Variants in FHIT observed in about 807,000 individuals in gnomAD.
The protein encoded by FHIT is fragile histidine triad diadenosine triphosphatase.
A neutral mutation model predicts 17.9 loss-of-function variants in FHIT; 19 were observed. That is an observed-to-expected ratio of 1.06 (90% confidence interval 0.74 to 1.56). The LOEUF (loss-of-function observed/expected upper bound fraction) is 1.56, where lower values mean the gene tolerates loss of function less well. FHIT is among the 40% of genes most tolerant of loss of function. The pLI, the probability that FHIT is intolerant of heterozygous loss-of-function variation, is 0.00. For missense variants in FHIT, 248 were observed against 189.2 expected, an observed-to-expected ratio of 1.31 and a Z score of -1.82; for synonymous variants, 81 against 69.7, an observed-to-expected ratio of 1.16 and a Z score of -0.81.
At chr3:60,505,904 T>A (rs1222911964) in intron 5 of FHIT, among the ~76,000 whole-genome samples, 14 of 152,170 alleles carry the variant, frequency 9.2e-5, no homozygotes, top group African/African-American at 3.1e-4. Flanking sequence ...TTTGGTAACA[T>A]TAACCCCACA....
intron 2 of FHIT, among the ~76,000 whole-genome samples, chr3:61,191,731 C>A (rs2038722199): frequency 6.6e-6 from 1 of 152,052 alleles, no homozygotes; most frequent in Non-Finnish European, 1.5e-5. Flanking sequence ...GGCAGCTGGG[C>A]AGACCCAGAG....
intron 5 of FHIT, among the ~76,000 whole-genome samples, chr3:60,397,384 G>C (rs1303585914): frequency 3.3e-5 from 5 of 152,122 alleles, no homozygotes; most frequent in Non-Finnish European, 7.4e-5. Flanking sequence ...GGAAGAAGGA[G>C]TCTTAGGCTC....
chr3:59,931,899 A>G (rs974878714), intron 7 of FHIT, among the ~76,000 whole-genome samples: 3 of 152,156 alleles, frequency 2.0e-5, no homozygotes, highest in African/African-American at 7.2e-5. Context: ...CCAAGCCACA[A>G]TGAGAGTTTA....
At chr3:60,396,555 T>C (rs1024661968) in intron 5 of FHIT, among the ~76,000 whole-genome samples, 1 of 152,164 alleles carries the variant, frequency 6.6e-6, no homozygotes, top group Non-Finnish European at 1.5e-5. Flanking sequence ...AAAGTTAATA[T>C]ATTGTACGAT....
intron 4 of FHIT, among the ~76,000 whole-genome samples, chr3:60,594,608 C>T (rs374874604): frequency 1.1e-4 from 16 of 152,148 alleles, no homozygotes; most frequent in African/African-American, 3.9e-4. Context: ...AATCCTCCTC[C>T]TCCCTTCCCT....
At chr3:61,182,345 A>G (rs1050012388) in intron 2 of FHIT, among the ~76,000 whole-genome samples, 1 of 152,184 alleles carries the variant, frequency 6.6e-6, no homozygotes, top group African/African-American at 2.4e-5. Flanking sequence ...GATTTGTATA[A>G]TATCTATGAG....
At chr3:60,860,588 C>CAT (rs782629403) in intron 3 of FHIT, among the ~76,000 whole-genome samples, 135 of 11,730 alleles carry the variant, frequency 0.012, 15 homozygotes, top group South Asian at 0.021. Flanking sequence ...ACATATGTAT[C>CAT]ATATATCAGG....
At chr3:60,900,292 G>A (rs1216810160) in intron 3 of FHIT, among the ~76,000 whole-genome samples, 2 of 152,042 alleles carry the variant, frequency 1.3e-5, no homozygotes, top group African/African-American at 2.4e-5. Context: ...CAGGTGTGGT[G>A]GCCATGCCTG....
chr3:59,992,144 C>T (rs749671675), intron 7 of FHIT, among the ~76,000 whole-genome samples: 25 of 152,086 alleles, frequency 1.6e-4, no homozygotes, highest in Non-Finnish European at 3.2e-4. Context: ...ACATGAAGCC[C>T]AGAGCCCAAG....
chr3:60,516,650 A>G (rs930689651), intron 5 of FHIT, among the ~76,000 whole-genome samples: 5 of 152,234 alleles, frequency 3.3e-5, no homozygotes, highest in African/African-American at 1.2e-4. Context: ...CCCACCTGAT[A>G]GGTTTGCTCA....
At chr3:60,421,380 A>T (rs1249846255) in intron 5 of FHIT, among the ~76,000 whole-genome samples, 1 of 152,086 alleles carries the variant, frequency 6.6e-6, no homozygotes, top group East Asian at 1.9e-4. Flanking sequence ...ATTTAGTTCA[A>T]TCGATAAACA....
intron 8 of FHIT, among the ~76,000 whole-genome samples, chr3:59,802,395 T>C (rs1035238875): frequency 2.6e-5 from 4 of 152,196 alleles, no homozygotes; most frequent in African/African-American, 9.6e-5. Flanking sequence ...CCCTGTGACC[T>C]GCACGTATAC....
rs780961555 is a variant in FHIT at position 59,752,241 on chromosome 3, C to G, written c.429G>C (p.Arg143=). 18 of 1,612,714 alleles carry G rather than the reference C, an allele frequency of 1.1e-5. No individual in the cohort carries two copies. The highest frequency in any genetic ancestry group is 1.4e-5 in the Non-Finnish European group (17 of 1,179,274). The change falls in exon 9 of 10, where the codon CGG becomes CGC. Residue 143 remains arginine (R), a synonymous_variant. Coordinates refer to ENST00000492590, the MANE Select transcript of FHIT (RefSeq NM_002012.4). ...TTTACCTGTGTCACTGAAAGTAGAC[C>G]CGCAGAGCTGCGGCTTCTGCTGCCA... The part of the protein sequence containing the change: ...EEMAAEAAAL[R]VYFQ
At chr3:61,237,193 A>C (rs763978247) in intron 1 of FHIT, among the ~76,000 whole-genome samples, 7 of 152,248 alleles carry the variant, frequency 4.6e-5, no homozygotes, top group Non-Finnish European at 7.3e-5. Context: ...GGGGTGTTTA[A>C]TTAAAAATGC....
chr3:60,357,427 T>C (rs560337294), intron 5 of FHIT, among the ~76,000 whole-genome samples: 2 of 152,178 alleles, frequency 1.3e-5, no homozygotes, highest in East Asian at 3.9e-4. Context: ...GTATTTTTAG[T>C]AGAGACAGGG....
At chr3:59,758,727 A>G (rs1701346216) in intron 8 of FHIT, among the ~76,000 whole-genome samples, 1 of 152,166 alleles carries the variant, frequency 6.6e-6, no homozygotes, top group South Asian at 2.1e-4. Flanking sequence ...GTCTCCTTTT[A>G]AAGTAAATTT....
At chr3:60,292,243 T>A (rs1708016096) in intron 5 of FHIT, among the ~76,000 whole-genome samples, 1 of 152,118 alleles carries the variant, frequency 6.6e-6, no homozygotes, top group African/African-American at 2.4e-5. Flanking sequence ...AAAAACCCAC[T>A]GTGTTAAAAA....
chr3:60,396,396 ATCTT>A (rs1701441754), intron 5 of FHIT, among the ~76,000 whole-genome samples: 1 of 152,134 alleles, frequency 6.6e-6, no homozygotes, highest in Non-Finnish European at 1.5e-5. Context: ...AAAAAGGAAA[ATCTT>A]TCTTGTGCTT....
At chr3:60,389,168 G>A (rs1701127571) in intron 5 of FHIT, among the ~76,000 whole-genome samples, 1 of 152,172 alleles carries the variant, frequency 6.6e-6, no homozygotes, top group African/African-American at 2.4e-5. Context: ...CCACTTGGGA[G>A]TGTCTTAGAA....
Sources: gnomAD v4.1 joint callset for allele counts (sites outside exome capture counted in the v4.1 genomes callset) on GRCh38, gnomAD v4.1.1 for gene constraint, MANE v1.5 for transcripts, NCBI Gene and HGNC (gene_info 2026-07-23, HGNC 2026-07-21) for gene names.